SPTBN1: variants seen among roughly 807,000 people sequenced by gnomAD.
SPTBN1 encodes the protein spectrin beta, non-erythrocytic 1.
In SPTBN1, 32 loss-of-function variants were observed where a neutral mutation model predicts 266.4. The ratio of observed to expected loss-of-function variants is 0.12; its 90% CI spans 0.09 to 0.16. The LOEUF is 0.16. SPTBN1 is among the 10% of genes least tolerant of loss of function. The pLI is 1.00. For synonymous variants in SPTBN1, 1,336 were observed against 1,162.2 expected (o/e 1.15, Z -3.04); for missense variants, 2,296 against 3,067.1 (o/e 0.75, Z 5.94).
rs147084588 is a variant in SPTBN1 at position 54,668,386 on chromosome 2, C to T, written c.6912C>T (p.Ser2304=). Residue 2304 remains serine, a synonymous_variant, in exon 36 of 36, where the codon TCC becomes TCT. Coordinates refer to ENST00000356805, the MANE Select transcript of SPTBN1 (RefSeq NM_003128.3). ...EMNTWIQAIS[S]AISSDKHEVS... Reference sequence around the variant, plus strand: ...ACACATGGATCCAGGCTATCTCTTCCGCCATCTCCTCTGATAAACACGAGG... The same window carrying T: ...ACACATGGATCCAGGCTATCTCTTCTGCCATCTCCTCTGATAAACACGAGG... 25 of 1,614,154 alleles carry T rather than the reference C, an allele frequency of 1.5e-5. No homozygotes were observed. The highest frequency in any genetic ancestry group is 2.2e-5 in the East Asian group (1 of 44,878).
chr2:54,657,915 C>G lies in SPTBN1; in HGVS notation c.6112C>G (p.Pro2038Ala). 1 of 1,614,222 alleles carries G rather than the reference C, an allele frequency of 6.2e-7. No homozygotes were observed. Among genetic ancestry groups the G allele is most frequent in the Non-Finnish European group, 8.5e-7 (1 of 1,180,034 alleles). ...CGAGGCCTGGCTGCTTGGACAGGAG[C>G]CGTACCTATCCAGCCGAGAGATAGG... ...VAEAWLLGQEPYLSSREIGQS... is the reference protein window; with the variant it reads ...VAEAWLLGQEAYLSSREIGQS... The change falls in exon 30 of 36, where the codon CCG (proline) becomes GCG (alanine). Residue 2038 changes from proline (P) to alanine (A), a missense_variant. Pro to Ala is a conservative substitution (Grantham distance 27). Around this residue, in one of 12 missense-constraint regions of SPTBN1, gnomAD observed 644 missense variants for 745.3 expected, o/e 0.86. Coordinates refer to ENST00000356805, the MANE Select transcript of SPTBN1 (RefSeq NM_003128.3).
At chr2:54,504,117 G>A (rs1669427563) in intron 1 of SPTBN1, among the ~76,000 whole-genome samples, 1 of 152,238 alleles carries the variant, frequency 6.6e-6, no homozygotes, top group Non-Finnish European at 1.5e-5. Flanking sequence ...TAAAGCAAAT[G>A]TCTGATTAGG....
Position 54,621,406 on chromosome 2 carries a change from G to A in SPTBN1, c.770G>A (p.Ser257Asn), listed in dbSNP as rs1161589617. 3 of 1,613,474 alleles carry A rather than the reference G, an allele frequency of 1.9e-6. No homozygotes were observed. The highest frequency in any genetic ancestry group is 1.7e-6 in the Non-Finnish European group (2 of 1,179,416). Residue 257 changes from serine to asparagine, a missense_variant, in exon 8 of 36, where the codon AGC becomes AAC. By Grantham distance (46) the Ser-to-Asn change is conservative. Transcript: ENST00000356805. ...AGTCTTCTCTGGGTTACAGACATCAGCGTGGACCATCCTGATGAGAAGTCC... is the reference window on the plus strand; with the variant it reads ...AGTCTTCTCTGGGTTACAGACATCAACGTGGACCATCCTGATGAGAAGTCC... ...LTKLLDPEDI[S>N]VDHPDEKSII...
At chr2:54,643,840 A>G (rs1451917700) in intron 19 of SPTBN1, among the ~76,000 whole-genome samples, 1 of 152,128 alleles carries the variant, frequency 6.6e-6, no homozygotes, top group African/African-American at 2.4e-5. Context: ...AAAAATAGCC[A>G]GGCCTGGTGG....
intron 15 of SPTBN1, 47 bp from the exon 16 acceptor site, chr2:54,630,808 G>A (rs749764604): frequency 2.2e-5 from 33 of 1,520,254 alleles, no homozygotes; most frequent in Admixed American, 8.5e-5. Flanking sequence ...TCCAGCCATG[G>A]TCAGTCTTCC....
At chr2:54,524,230 T>A (rs1224108034) in intron 1 of SPTBN1, among the ~76,000 whole-genome samples, 2 of 152,290 alleles carry the variant, frequency 1.3e-5, no homozygotes, top group Admixed American at 1.3e-4. Context: ...TTATTTTTTT[T>A]CTTGGGATAG....
At chr2:54,531,772 C>T (rs1671256300) in intron 2 of SPTBN1, among the ~76,000 whole-genome samples, 1 of 151,982 alleles carries the variant, frequency 6.6e-6, no homozygotes, top group Non-Finnish European at 1.5e-5. Flanking sequence ...ATCTGCGTCA[C>T]TCATCGCCAC....
chr2:54,521,269 C>T (rs1212272762), intron 1 of SPTBN1, among the ~76,000 whole-genome samples: 2 of 152,206 alleles, frequency 1.3e-5, no homozygotes, highest in Admixed American at 6.5e-5. Context: ...TTCACCCTCA[C>T]GTCACTCCCT....
intron 24 of SPTBN1, 56 bp downstream of exon 24, chr2:54,647,317 C>G (rs1679989063): frequency 3.1e-6 from 5 of 1,592,020 alleles, no homozygotes; most frequent in African/African-American, 1.3e-5. Flanking sequence ...CAGTTAGGGT[C>G]TCTTGCTAAC....
At chr2:54,483,956 G>T (rs947751654) in intron 1 of SPTBN1, among the ~76,000 whole-genome samples, 3 of 151,992 alleles carry the variant, frequency 2.0e-5, no homozygotes, top group Non-Finnish European at 4.4e-5. Context: ...GCACTTTGGG[G>T]GGCTGAGGCA....
intron 1 of SPTBN1, among the ~76,000 whole-genome samples, chr2:54,509,956 CTTTT>C (rs5831312): frequency 4.6e-5 from 6 of 131,652 alleles, no homozygotes; most frequent in African/African-American, 8.5e-5. Context: ...TGCTTTCTTT[CTTTT>C]TTTTTTTTTT....
chr2:54,632,596 A>G lies in SPTBN1; in HGVS notation c.3595A>G (p.Thr1199Ala), dbSNP rs1374840298. 1.3e-5 allele frequency: 21 copies of G among 1,614,116 alleles called. No individual in the cohort carries two copies. The highest frequency in any genetic ancestry group is 6.7e-5 in the African/African-American group (5 of 74,928). The change falls in exon 17 of 36, where the codon ACC becomes GCC. Residue 1199 changes from threonine (T) to alanine (A), a missense_variant. Coordinates refer to ENST00000356805, the MANE Select transcript of SPTBN1 (RefSeq NM_003128.3). ...TGTTCTGGCTCACACTGAAATGCCT[A>G]CCACCTTGGAAGGAGCTGAAGCAGC... ...EYVLAHTEMP[T>A]TLEGAEAAIK...
chr2:54,625,114 GATGTT>G (rs2103892297), intron 11 of SPTBN1, 152 bp downstream of exon 11: 1 of 836,560 alleles, frequency 1.2e-6, no homozygotes, highest in African/African-American at 1.8e-5. Flanking sequence ...CCATTAAGAG[GATGTT>G]TATAATTTCT....
At chr2:54,660,944 C>T (rs892120168) in intron 32 of SPTBN1, 1 of 985,388 alleles carries the variant, frequency 1.0e-6, no homozygotes, top group Non-Finnish European at 1.2e-6. Context: ...TTCAGGGTGT[C>T]AAACTGTTTT....
chr2:54,567,803 G>A (rs1035320134), intron 2 of SPTBN1, among the ~76,000 whole-genome samples: 2 of 152,100 alleles, frequency 1.3e-5, no homozygotes, highest in Non-Finnish European at 2.9e-5. Flanking sequence ...TATATAGAAA[G>A]GCTAGTCTGA....
intron 2 of SPTBN1, among the ~76,000 whole-genome samples, chr2:54,569,846 G>A (rs1673932130): frequency 6.6e-6 from 1 of 152,182 alleles, no homozygotes; most frequent in South Asian, 2.1e-4. Flanking sequence ...GCCCAGCAGG[G>A]TGAGCCTTGT....
At chr2:54,622,263 A>C in intron 8 of SPTBN1, 37 bp from the exon 9 acceptor site, 3 of 1,602,216 alleles carry the variant, frequency 1.9e-6, no homozygotes, top group Non-Finnish European at 2.6e-6. Context: ...TTATGGAGTG[A>C]CATGATCTTT....
chr2:54,664,918 GC>G lies in SPTBN1; in HGVS notation c.6659+228del. 1.9e-6 allele frequency: 1 copy of G among 528,650 alleles called. No individual in the cohort carries two copies. Among genetic ancestry groups the G allele is most frequent in the Non-Finnish European group, 3.4e-6 (1 of 296,240 alleles). The allele number at this position is 528,650 out of a possible 1,614,324, so 32.7% of individuals were successfully genotyped here. Reference sequence around the variant, plus strand: ...GTTTGGATGGGAGTAGCTAGAAGGGGCTTTAGTAGTTCATCTAGAGAAGGAA... The same window carrying G: ...GTTTGGATGGGAGTAGCTAGAAGGGGTTTAGTAGTTCATCTAGAGAAGGAA... On this transcript the variant is annotated intron_variant, in intron 33 of 35. Transcript: ENST00000356805. This position sits in a 1 kb window ranked among gnomAD's most constrained non-coding sequence, Gnocchi z 5.6.
intron 1 of SPTBN1, among the ~76,000 whole-genome samples, chr2:54,483,366 G>T (rs996481828): frequency 6.6e-6 from 1 of 152,200 alleles, no homozygotes; most frequent in Non-Finnish European, 1.5e-5. Context: ...ATCCAAGGAA[G>T]GTAGGGTCAC....
Sources: allele counts gnomAD v4.1 joint callset (sites outside exome capture counted in the v4.1 genomes callset), GRCh38; gene constraint gnomAD v4.1.1; regional missense constraint gnomAD v4.1.1; non-coding constraint Gnocchi (gnomAD v3.1); transcripts MANE v1.5; gene names NCBI Gene and HGNC (gene_info 2026-07-23, HGNC 2026-07-21).